Variants in SLC46A3 observed in about 807,000 individuals in gnomAD.
SLC46A3 encodes lysosomal proton-coupled steroid conjugate and bile acid symporter SLC46A3.
A neutral mutation model predicts 38.5 loss-of-function variants in SLC46A3; 26 were observed. The ratio of observed to expected loss-of-function variants is 0.68; its 90% CI spans 0.49 to 0.94. SLC46A3 has a LOEUF of 0.94. Among genes scored for constraint, SLC46A3 ranks in the 40% least tolerant of loss-of-function variants. The pLI is 0.00. For missense variants in SLC46A3, 510 were observed against 544.3 expected, an observed-to-expected ratio of 0.94 and a Z score of 0.63; for synonymous variants, 185 against 192.5, an observed-to-expected ratio of 0.96 and a Z score of 0.32.
intron 4 of SLC46A3, among the ~76,000 whole-genome samples, chr13:28,707,418 G>A (rs1252481472): frequency 1.9e-5 from 2 of 102,968 alleles, no homozygotes; most frequent in East Asian, 6.4e-4. Context: ...GGGGAGGGAG[G>A]AGGGGGGAGG....
intron 4 of SLC46A3, among the ~76,000 whole-genome samples, chr13:28,709,016 A>T (rs1885262574): frequency 6.6e-6 from 1 of 152,138 alleles, no homozygotes; most frequent in South Asian, 2.1e-4. Flanking sequence ...ATATATAGCT[A>T]CATCTTATGA....
At chr13:28,707,875 T>C (rs1307148938) in intron 4 of SLC46A3, among the ~76,000 whole-genome samples, 3 of 152,194 alleles carry the variant, frequency 2.0e-5, no homozygotes, top group Admixed American at 6.5e-5. Context: ...AATTTCTGTC[T>C]CTATGGATTT....
At position 28,712,864 on chromosome 13, in the gene SLC46A3, C is replaced by A; in HGVS notation, c.876G>T (p.Trp292Cys). ...ILYELDSPLC[W>C]NEVFIGYGSA... is the part of the protein sequence containing the mutation. ...ATCCATAACCTATAAAAACTTCATT[C>A]CAGCAGAGTGGTGAATCCAATTCAT... The change falls in exon 3 of 6, where the codon TGG becomes TGT. Residue 292 changes from tryptophan to cysteine, a missense_variant. Transcript: ENST00000266943. 1 of 1,610,824 alleles carries A rather than the reference C, an allele frequency of 6.2e-7. No homozygotes were observed.
rs575641867 is a variant in SLC46A3 at position 28,712,127 on chromosome 13, T to C, written c.1060+553A>G. 3.3e-5 allele frequency among the ~76,000 whole-genome samples: 5 copies of C among 152,336 alleles called. No individual in the cohort carries two copies. In the South Asian group the frequency reaches 6.2e-4, roughly 19 times the overall value. On this transcript the variant is annotated intron_variant, in intron 3 of 5. Transcript: ENST00000266943. ...AGCCTTTTTCAATGCAGTATCTCATTTGAATCCTGCAAAAACAGTTATAAG... is the reference window on the plus strand; with the variant it reads ...AGCCTTTTTCAATGCAGTATCTCATCTGAATCCTGCAAAAACAGTTATAAG...
chr13:28,703,140 T>C (rs1885077072), intron 5 of SLC46A3, among the ~76,000 whole-genome samples: 1 of 152,246 alleles, frequency 6.6e-6, no homozygotes, highest in Admixed American at 6.5e-5. Flanking sequence ...GTACTATTCA[T>C]AAATGGAATT....
chr13:28,706,361 G>A (rs1419115054), intron 4 of SLC46A3, among the ~76,000 whole-genome samples: 1 of 152,050 alleles, frequency 6.6e-6, no homozygotes, highest in Admixed American at 6.6e-5. Flanking sequence ...TTCACAAAAT[G>A]GCCAATTTAA....
At chr13:28,716,034 T>C (rs1325790521) in intron 2 of SLC46A3, among the ~76,000 whole-genome samples, 2 of 150,706 alleles carry the variant, frequency 1.3e-5, no homozygotes, top group African/African-American at 4.9e-5. Flanking sequence ...GTGCCTGTAG[T>C]CCCAGCTACT....
In SLC46A3 at chr13:28,701,128, T is replaced by C. The variant is rs1302509101; in HGVS notation, c.*369A>G. ...ATGAAGAAACTGAGGTAAAGATTTC[T>C]CTTTGGTCTCAGTGTAAGAGCCTGG... On this transcript the variant is annotated 3_prime_UTR_variant, in exon 6 of 6. Transcript: ENST00000266943. 1.4e-6 allele frequency: 2 copies of C among 1,439,184 alleles called. No homozygotes were observed. Among genetic ancestry groups the C allele is most frequent in the Non-Finnish European group, 1.8e-6 (2 of 1,096,520 alleles). The allele number at this position is 1,439,184 out of a possible 1,614,324, so 89.2% of individuals were successfully genotyped here.
Position 28,710,093 on chromosome 13 carries a change from C to T in SLC46A3, c.1144+667G>A, listed in dbSNP as rs977395905. On this transcript the variant is annotated intron_variant, in intron 4 of 5. Coordinates refer to ENST00000266943, the MANE Select transcript of SLC46A3 (RefSeq NM_181785.4). The stretch of plus-strand genomic sequence containing the variant: ...TAATGAATGATCTAGGAGACCCGCA[C>T]ACACTTAGGATTCTCAGACGTTTTC... Among the ~76,000 whole-genome samples, 4 of 152,188 alleles carry T rather than the reference C, an allele frequency of 2.6e-5. No individual in the cohort carries two copies. The South Asian group carries it at 8.3e-4, about 31-fold the overall frequency.
intron 4 of SLC46A3, among the ~76,000 whole-genome samples, chr13:28,708,815 T>G (rs1885256311): frequency 6.6e-6 from 1 of 152,100 alleles, no homozygotes; most frequent in Non-Finnish European, 1.5e-5. Context: ...GGACAAACTT[T>G]GAATGAAGTT....
At chr13:28,711,098 G>T (rs946874988) in intron 3 of SLC46A3, among the ~76,000 whole-genome samples, 3 of 152,070 alleles carry the variant, frequency 2.0e-5, no homozygotes, top group African/African-American at 7.2e-5. Flanking sequence ...GTAATTTTTA[G>T]GTCTAGATCT....
chr13:28,707,321 G>C (rs1291188897), intron 4 of SLC46A3, among the ~76,000 whole-genome samples: 1 of 147,870 alleles, frequency 6.8e-6, no homozygotes, highest in African/African-American at 2.5e-5. Flanking sequence ...AACACCACAT[G>C]TTCTCACTCA....
At chr13:28,715,802 C>T (rs536649719) in intron 2 of SLC46A3, among the ~76,000 whole-genome samples, 1 of 151,952 alleles carries the variant, frequency 6.6e-6, no homozygotes, top group Non-Finnish European at 1.5e-5. Context: ...ATCAAAACAC[C>T]ACTGTATACT....
At chr13:28,713,588 A>ACT in intron 2 of SLC46A3, 38 bp from the exon 3 acceptor site, 1 of 1,548,290 alleles carries the variant, frequency 6.5e-7, no homozygotes, top group Non-Finnish European at 8.8e-7. Flanking sequence ...TGTTTACAGT[A>ACT]GTTAACACAA....
intron 5 of SLC46A3, 185 bp downstream of exon 5, chr13:28,703,758 A>G (rs751010916): frequency 2.5e-6 from 1 of 404,994 alleles, no homozygotes; most frequent in Non-Finnish European, 4.4e-6. Flanking sequence ...GAGCATGCCA[A>G]TCTTCACTGT....
At chr13:28,709,182 C>A (rs1430511241) in intron 4 of SLC46A3, among the ~76,000 whole-genome samples, 1 of 151,776 alleles carries the variant, frequency 6.6e-6, no homozygotes, top group African/African-American at 2.4e-5. Flanking sequence ...ATTAGCCAGG[C>A]ATGGTGGCAG....
intron 5 of SLC46A3, 58 bp from the exon 6 acceptor site, chr13:28,701,639 A>C (rs757098157): frequency 6.6e-7 from 1 of 1,521,884 alleles, no homozygotes; most frequent in Non-Finnish European, 8.9e-7. Flanking sequence ...TAAATAAGTA[A>C]TCTGTTTTCC....
rs1885001031 is a variant in SLC46A3 at position 28,701,011 on chromosome 13, T to C, written c.*486A>G. ...TAAAATCATACATATTTGAAACTTA[T>C]ATCATTATTTTCCTACCAATGAGTG... On this transcript the variant is annotated 3_prime_UTR_variant, in exon 6 of 6. Coordinates refer to ENST00000266943, the MANE Select transcript of SLC46A3 (RefSeq NM_181785.4). 2.9e-5 allele frequency: 44 copies of C among 1,524,962 alleles called. No homozygotes were observed. Among genetic ancestry groups the C allele is most frequent in the Non-Finnish European group, 3.5e-5 (40 of 1,134,528 alleles). 94.5% of individuals were successfully genotyped at this position (1,524,962 alleles called of 1,614,324 possible). A position where few individuals can be genotyped will look rare whatever the true frequency, so the allele number is the denominator to read the frequency against.
chr13:28,707,002 A>G (rs975332679), intron 4 of SLC46A3, among the ~76,000 whole-genome samples: 2 of 152,218 alleles, frequency 1.3e-5, no homozygotes, highest in Non-Finnish European at 2.9e-5. Context: ...TGATTCCTCA[A>G]GGATCTAGAA....
Sources: allele counts gnomAD v4.1 joint callset (sites outside exome capture counted in the v4.1 genomes callset), GRCh38; gene constraint gnomAD v4.1.1; transcripts MANE v1.5; gene names NCBI Gene and HGNC (gene_info 2026-07-23, HGNC 2026-07-21).